ZNF385D: variants seen among roughly 807,000 people sequenced by gnomAD.
ZNF385D encodes zinc finger protein 385D, also known as zinc finger protein 659.
Under a neutral mutation model 35.8 loss-of-function variants are expected in ZNF385D, and 15 were observed. The ratio of observed to expected loss-of-function variants is 0.42; its 90% CI spans 0.28 to 0.64. The LOEUF is 0.64. ZNF385D is among the 30% of genes least tolerant of loss of function. ZNF385D has a pLI of 0.23. For missense variants in ZNF385D, 474 were observed against 494.6 expected (o/e 0.96, Z 0.39); for synonymous variants, 212 against 186.8 (o/e 1.13, Z -1.10).
At chr3:22,116,983 A>T (rs1215726414) in intron 3 of ZNF385D, among the ~76,000 whole-genome samples, 1 of 152,022 alleles carries the variant, frequency 6.6e-6, no homozygotes, top group African/African-American at 2.4e-5. Flanking sequence ...ACCCTCTTTC[A>T]ACAAATTAGG....
rs387517 is a variant in ZNF385D, at chr3:21,421,018, T to A, written c.*196A>T. ...CAGCGTTCAAGAGGAATGCTTTAAT[T>A]TGGAGAAAATACCACTCCCTCCCTC... is the stretch of plus-strand genomic sequence containing the variant. On this transcript the variant is annotated 3_prime_UTR_variant, in exon 8 of 8. Transcript: ENST00000281523. The A allele has an allele frequency of 3.1e-6, 1 of 319,722 alleles. No individual in the cohort carries two copies. Among genetic ancestry groups the A allele is most frequent in the Non-Finnish European group, 5.6e-6 (1 of 177,442 alleles). The allele number at this position is 319,722 out of a possible 1,614,324, so 19.8% of individuals were successfully genotyped here.
At chr3:22,108,421 G>A (rs1334477874) in intron 3 of ZNF385D, among the ~76,000 whole-genome samples, 2 of 151,916 alleles carry the variant, frequency 1.3e-5, no homozygotes, top group Non-Finnish European at 2.9e-5. Flanking sequence ...GAGGAAAGAA[G>A]TAAGGGTATG....
intron 3 of ZNF385D, among the ~76,000 whole-genome samples, chr3:21,917,793 T>C (rs1700261638): frequency 6.6e-6 from 1 of 152,216 alleles, no homozygotes; most frequent in Non-Finnish European, 1.5e-5. Flanking sequence ...GTGGAGTCTC[T>C]TGACTCAGAG....
intron 3 of ZNF385D, among the ~76,000 whole-genome samples, chr3:21,542,267 C>G (rs545544643): frequency 7.5e-4 from 114 of 152,054 alleles, no homozygotes; most frequent in African/African-American, 2.7e-3. Flanking sequence ...AAAAGGAAGC[C>G]TAAACTTCAT....
At chr3:21,710,530 T>C in intron 1 of ZNF385D, among the ~76,000 whole-genome samples, 1 of 152,222 alleles carries the variant, frequency 6.6e-6, no homozygotes, top group East Asian at 1.9e-4. Flanking sequence ...CCACAATGCA[T>C]ATTGGTGAGC....
chr3:21,637,995 A>G (rs933364433), intron 2 of ZNF385D, among the ~76,000 whole-genome samples: 11 of 152,062 alleles, frequency 7.2e-5, no homozygotes, highest in African/African-American at 2.7e-4. Context: ...CATATCTTCC[A>G]CAAAAATTCC....
At chr3:21,786,755 T>C (rs1454725238) in intron 3 of ZNF385D, among the ~76,000 whole-genome samples, 1 of 152,210 alleles carries the variant, frequency 6.6e-6, no homozygotes, top group East Asian at 1.9e-4. Flanking sequence ...TTTTGCCATG[T>C]CCGTGAACAT....
intron 2 of ZNF385D, among the ~76,000 whole-genome samples, chr3:22,174,488 A>G (rs1694685690): frequency 6.6e-6 from 1 of 152,200 alleles, no homozygotes; most frequent in Non-Finnish European, 1.5e-5. Flanking sequence ...TCTAAATGGT[A>G]TAAACCAAAA....
chr3:21,898,248 C>A (rs1307691091), intron 3 of ZNF385D, among the ~76,000 whole-genome samples: 1 of 152,120 alleles, frequency 6.6e-6, no homozygotes, highest in Non-Finnish European at 1.5e-5. Context: ...TATCACCGAA[C>A]AATGAAGACA....
chr3:22,179,860 C>T (rs1290782106), intron 2 of ZNF385D, among the ~76,000 whole-genome samples: 1 of 152,126 alleles, frequency 6.6e-6, no homozygotes, highest in African/African-American at 2.4e-5. Flanking sequence ...GACACCCTAA[C>T]ATCACAATTA....
intron 2 of ZNF385D, among the ~76,000 whole-genome samples, chr3:22,259,056 T>C (rs533643513): frequency 6.6e-6 from 1 of 151,924 alleles, no homozygotes; most frequent in African/African-American, 2.4e-5. Context: ...CTATGTCGAT[T>C]CTGAAATCAT....
At chr3:22,069,234 C>G (rs1700114830) in intron 3 of ZNF385D, among the ~76,000 whole-genome samples, 1 of 152,204 alleles carries the variant, frequency 6.6e-6, no homozygotes, top group Non-Finnish European at 1.5e-5. Flanking sequence ...ATCACAGTGA[C>G]TGGCTCAGGG....
At chr3:21,972,709 A>C (rs965948704) in intron 3 of ZNF385D, among the ~76,000 whole-genome samples, 14 of 151,412 alleles carry the variant, frequency 9.2e-5, no homozygotes, top group African/African-American at 3.4e-4. Context: ...AACAAAAAAG[A>C]CCTAAATAAA....
intron 3 of ZNF385D, among the ~76,000 whole-genome samples, chr3:21,810,704 C>G (rs1363434896): frequency 6.6e-6 from 1 of 151,858 alleles, no homozygotes; most frequent in Non-Finnish European, 1.5e-5. Flanking sequence ...GATTTTGGAT[C>G]TGTATAAACA....
chr3:21,468,905 G>T (rs1703703571), intron 4 of ZNF385D, among the ~76,000 whole-genome samples: 1 of 152,066 alleles, frequency 6.6e-6, no homozygotes, highest in Non-Finnish European at 1.5e-5. Context: ...CTCCAGTCTG[G>T]CAACAGAGTA....
chr3:21,436,801 T>C (rs1217665061), intron 5 of ZNF385D, 169 bp downstream of exon 5: 5 of 687,672 alleles, frequency 7.3e-6, no homozygotes, highest in Non-Finnish European at 9.5e-6. Flanking sequence ...CTTGCCCCTA[T>C]ATAAATGACA....
intron 3 of ZNF385D, among the ~76,000 whole-genome samples, chr3:21,953,927 G>T (rs1399725382): frequency 6.6e-6 from 1 of 152,038 alleles, no homozygotes; most frequent in African/African-American, 2.4e-5. Context: ...TGTTTAAAAT[G>T]AGATCCCTTC....
intron 3 of ZNF385D, among the ~76,000 whole-genome samples, chr3:21,795,115 T>TA (rs2072092265): frequency 6.6e-6 from 1 of 152,230 alleles, no homozygotes; most frequent in African/African-American, 2.4e-5. Flanking sequence ...ATGCTTAAGT[T>TA]AGAGTGTTCC....
At chr3:22,330,414 AG>A (rs1375449567) in intron 2 of ZNF385D, among the ~76,000 whole-genome samples, 1 of 152,096 alleles carries the variant, frequency 6.6e-6, no homozygotes, top group Admixed American at 6.6e-5. Context: ...GTAGGTTTGC[AG>A]GATCATTTAG....
Sources: allele counts gnomAD v4.1 joint callset (sites outside exome capture counted in the v4.1 genomes callset), GRCh38; gene constraint gnomAD v4.1.1; transcripts MANE v1.5; gene names NCBI Gene and HGNC (gene_info 2026-07-23, HGNC 2026-07-21).